MEIS1: variants seen among roughly 807,000 people sequenced by gnomAD.
MEIS1 encodes Meis homeobox 1.
In MEIS1, 5 loss-of-function variants were observed where a neutral mutation model predicts 50.8. The ratio of observed to expected loss-of-function variants is 0.10; its 90% CI spans 0.05 to 0.21. The LOEUF (loss-of-function observed/expected upper bound fraction) is 0.21, where lower values mean the gene tolerates loss of function less well. Among genes scored for constraint, MEIS1 ranks in the 10% least tolerant of loss-of-function variants. MEIS1 has a pLI of 1.00. For synonymous variants in MEIS1, 176 were observed against 179.3 expected, an observed-to-expected ratio of 0.98 and a Z score of 0.15; for missense variants, 318 against 517.3, an observed-to-expected ratio of 0.61 and a Z score of 3.74.
intron 7 of MEIS1, among the ~76,000 whole-genome samples, chr2:66,506,249 G>A (rs1464219354): frequency 6.6e-6 from 1 of 152,188 alleles, no homozygotes. Context: ...GGTGGGATTG[G>A]TGTGTCACTA....
intron 6 of MEIS1, among the ~76,000 whole-genome samples, chr2:66,450,498 GTTA>G (rs766533220): frequency 4.6e-5 from 7 of 152,068 alleles, no homozygotes; most frequent in Non-Finnish European, 1.0e-4. Flanking sequence ...TAAAATGCCT[GTTA>G]TTATTAATAA....
At chr2:66,477,601 G>T (rs1185770197) in intron 7 of MEIS1, among the ~76,000 whole-genome samples, 1 of 152,182 alleles carries the variant, frequency 6.6e-6, no homozygotes, top group Non-Finnish European at 1.5e-5. Context: ...TGGAGACCAG[G>T]GGCTGGGTGG....
chr2:66,517,059 C>A (rs895720722), intron 8 of MEIS1, among the ~76,000 whole-genome samples: 1 of 152,086 alleles, frequency 6.6e-6, no homozygotes, highest in African/African-American at 2.4e-5. Context: ...ATTTCTATTT[C>A]TTTTTATTGC....
intron 7 of MEIS1, among the ~76,000 whole-genome samples, chr2:66,472,309 C>T (rs1488981833): frequency 6.6e-6 from 1 of 152,124 alleles, no homozygotes; most frequent in Non-Finnish European, 1.5e-5. Flanking sequence ...TTTAATGTAG[C>T]CCAAGGAGAT....
In MEIS1 at chr2:66,514,872, G is replaced by A. The variant is rs191272505; in HGVS notation, c.888+2578G>A. On this transcript the variant is annotated intron_variant, in intron 8 of 12. Coordinates refer to ENST00000272369, the MANE Select transcript of MEIS1 (RefSeq NM_002398.3). ...GTAATCCTTCTTGAAGGAATGCATG[G>A]ACTGCTTAGGTAATATTTATAGTAA... Among the ~76,000 whole-genome samples, 17 of 152,220 alleles carry A rather than the reference G, an allele frequency of 1.1e-4. No homozygotes were observed. The East Asian group carries it at 2.5e-3, about 22-fold the overall frequency.
chr2:66,506,380 G>C (rs999271987), intron 7 of MEIS1, among the ~76,000 whole-genome samples: 5 of 152,094 alleles, frequency 3.3e-5, no homozygotes, highest in African/African-American at 1.2e-4. Context: ...GCAAGGAATG[G>C]GACTAGGATA....
At chr2:66,495,078 ACCTTTTTT>A (rs1170302429) in intron 7 of MEIS1, among the ~76,000 whole-genome samples, 3 of 85,014 alleles carry the variant, frequency 3.5e-5, no homozygotes, top group Non-Finnish European at 2.5e-5. Context: ...CCCTCTTCTG[ACCTTTTTT>A]TTTTTTTTTT....
chr2:66,530,260 T>G (rs1394130160), intron 8 of MEIS1, among the ~76,000 whole-genome samples: 1 of 151,370 alleles, frequency 6.6e-6, no homozygotes, highest in South Asian at 2.1e-4. Flanking sequence ...AGAATACATA[T>G]AGAAGTAGCA....
In MEIS1 at chr2:66,440,570, A is replaced by G. The variant is rs1671945842; in HGVS notation, c.390A>G (p.Ala130=). The change falls in exon 4 of 13, where the codon GCA becomes GCG. Residue 130 remains alanine (A), a synonymous_variant. Transcript: ENST00000272369. ...TTCTCACTTGTATTTAGATTCGCGC[A>G]GAAAAACCTCTATTTTCTTCTAATC... The part of the protein sequence containing the change: ...DIAVFAKQIR[A]EKPLFSSNPE... 2 of 1,612,988 alleles carry G rather than the reference A, an allele frequency of 1.2e-6. No individual in the cohort carries two copies. Among genetic ancestry groups the G allele is most frequent in the African/African-American group, 1.3e-5 (1 of 74,890 alleles).
At chr2:66,567,399 A>AC (rs1004789339) in intron 9 of MEIS1, 54 bp from the exon 10 acceptor site, 21 of 1,564,780 alleles carry the variant, frequency 1.3e-5, no homozygotes, top group African/African-American at 5.5e-5. Context: ...CTCTTCCTCA[A>AC]CCCCCCCTTT....
chr2:66,460,300 G>C (rs1408822853), intron 6 of MEIS1, among the ~76,000 whole-genome samples: 5 of 152,058 alleles, frequency 3.3e-5, no homozygotes, highest in African/African-American at 4.8e-5. Context: ...GAGGAGTCAG[G>C]GGAGCTCATT....
chr2:66,570,178 A>G (rs1400478065), intron 12 of MEIS1: 2 of 152,186 alleles, frequency 1.3e-5, no homozygotes, highest in Non-Finnish European at 2.9e-5. Flanking sequence ...TGAGTCAAAT[A>G]TAAGTTTAAC....
At chr2:66,493,868 CATGCATCACTTA>C (rs1673333171) in intron 7 of MEIS1, among the ~76,000 whole-genome samples, 1 of 152,116 alleles carries the variant, frequency 6.6e-6, no homozygotes, top group South Asian at 2.1e-4. Context: ...CTGAGTGACC[CATGCATCACTTA>C]ATCAGACCCA....
intron 6 of MEIS1, among the ~76,000 whole-genome samples, chr2:66,449,641 G>GTGAA (rs1368824361): frequency 6.6e-6 from 1 of 152,102 alleles, no homozygotes. Context: ...AGGATACTAT[G>GTGAA]TGAAATAAGT....
intron 8 of MEIS1, among the ~76,000 whole-genome samples, chr2:66,520,476 G>A (rs927898371): frequency 2.0e-4 from 30 of 149,818 alleles, no homozygotes; most frequent in Non-Finnish European, 4.1e-4. Flanking sequence ...GAAAGACTCC[G>A]TCTCAAAAAA....
At chr2:66,524,077 A>G (rs556282885) in intron 8 of MEIS1, among the ~76,000 whole-genome samples, 1 of 152,326 alleles carries the variant, frequency 6.6e-6, no homozygotes, top group South Asian at 2.1e-4. Flanking sequence ...ATGAGGTTAA[A>G]GTTATTATCC....
At chr2:66,519,476 A>G (rs959164573) in intron 8 of MEIS1, among the ~76,000 whole-genome samples, 2 of 151,980 alleles carry the variant, frequency 1.3e-5, no homozygotes, top group Admixed American at 6.6e-5. Flanking sequence ...CAGTGTGTCA[A>G]GAGCCAGAGA....
chr2:66,475,146 AT>A lies in MEIS1; in HGVS notation c.742+10927del, dbSNP rs1672860231. Among the ~76,000 whole-genome samples, 4 of 147,548 alleles carry A rather than the reference AT, an allele frequency of 2.7e-5. No homozygotes were observed. The South Asian group carries it at 6.3e-4, about 23-fold the overall frequency. ...TGCATATATATATACACATATATAT[AT>A]ATAAATATATGAATATAAATATCAT... On this transcript the variant is annotated intron_variant, in intron 7 of 12. Coordinates refer to ENST00000272369, the MANE Select transcript of MEIS1 (RefSeq NM_002398.3).
In MEIS1 at chr2:66,541,962, T is replaced by C. The variant is rs1297375252; in HGVS notation, c.889-5981T>C. Among the ~76,000 whole-genome samples, 8 of 152,038 alleles carry C rather than the reference T, an allele frequency of 5.3e-5. No homozygotes were observed. In the South Asian group the frequency reaches 6.2e-4, roughly 12 times the overall value. On this transcript the variant is annotated intron_variant, in intron 8 of 12. Transcript: ENST00000272369. ...ACTAATTCATAAAGCTGAAAGACAATAGGGAAGCATTATGGATTTTTTTAA... is the reference window on the plus strand; with the variant it reads ...ACTAATTCATAAAGCTGAAAGACAACAGGGAAGCATTATGGATTTTTTTAA...
Sources: gnomAD v4.1 joint callset for allele counts (sites outside exome capture counted in the v4.1 genomes callset) on GRCh38, gnomAD v4.1.1 for gene constraint, MANE v1.5 for transcripts, NCBI Gene and HGNC (gene_info 2026-07-23, HGNC 2026-07-21) for gene names.